Variants in SH3RF3 observed in about 807,000 individuals in gnomAD.
SH3RF3 encodes the protein SH3 domain containing ring finger 3, also known as E3 ubiquitin-protein ligase SH3RF3.
SH3RF3 carries 29 observed loss-of-function variants against 66.3 expected under a neutral mutation model. That is an observed-to-expected ratio of 0.44 (90% CI 0.33 to 0.60). The LOEUF (loss-of-function observed/expected upper bound fraction) is 0.60. SH3RF3 is among the 20% of genes least tolerant of loss of function. The pLI is 0.04. For missense variants in SH3RF3, 1,194 were observed against 1,190.9 expected (o/e 1.00, Z -0.04); for synonymous variants, 583 against 532.0 (o/e 1.10, Z -1.32).
intron 1 of SH3RF3, among the ~76,000 whole-genome samples, chr2:109,219,831 G>C (rs555163226): frequency 6.6e-6 from 1 of 152,312 alleles, no homozygotes; most frequent in East Asian, 1.9e-4. Context: ...ACTTAATATT[G>C]TTGAGATGAC....
At chr2:109,343,682 A>G (rs1173900224) in intron 1 of SH3RF3, among the ~76,000 whole-genome samples, 2 of 150,970 alleles carry the variant, frequency 1.3e-5, no homozygotes, top group Non-Finnish European at 2.9e-5. Context: ...ACCTGTGGAG[A>G]GGTGGCCAGG....
In SH3RF3 at chr2:109,486,953, G is replaced by A. The variant is rs1678997019; in HGVS notation, c.2149-3652G>A. 2.0e-5 allele frequency among the ~76,000 whole-genome samples: 3 copies of A among 152,208 alleles called. No individual in the cohort carries two copies. In the South Asian group the frequency reaches 6.2e-4, roughly 32 times the overall value. On this transcript the variant is annotated intron_variant, in intron 8 of 9. Coordinates refer to ENST00000309415, the MANE Select transcript of SH3RF3 (RefSeq NM_001099289.3). ...TGTTTGGTTTTCTCCCTGTGAGGCT[G>A]AACTGATTGGAGCCTGGCCATCCAG...
At chr2:109,283,497 A>G (rs545301550) in intron 1 of SH3RF3, among the ~76,000 whole-genome samples, 9 of 152,254 alleles carry the variant, frequency 5.9e-5, no homozygotes, top group Admixed American at 2.0e-4. Context: ...GGTGTTGTCC[A>G]CAAAGGTCTC....
intron 3 of SH3RF3, among the ~76,000 whole-genome samples, chr2:109,396,817 C>T (rs1676161122): frequency 1.3e-5 from 2 of 152,256 alleles, no homozygotes; most frequent in African/African-American, 2.4e-5. Flanking sequence ...ACAGAGCGGG[C>T]GTGACTCTGC....
intron 9 of SH3RF3, among the ~76,000 whole-genome samples, chr2:109,497,481 A>T: frequency 6.6e-6 from 1 of 152,232 alleles, no homozygotes; most frequent in East Asian, 1.9e-4. Context: ...GGATTCCTTG[A>T]GCCCTGTGTC....
intron 1 of SH3RF3, among the ~76,000 whole-genome samples, chr2:109,251,805 C>T (rs759507628): frequency 1.3e-5 from 2 of 152,038 alleles, no homozygotes; most frequent in Non-Finnish European, 2.9e-5. Context: ...CTAAAAAATA[C>T]CAAATATTTA....
chr2:109,402,766 G>C (rs1473784150), intron 4 of SH3RF3, among the ~76,000 whole-genome samples: 1 of 152,344 alleles, frequency 6.6e-6, no homozygotes, highest in African/African-American at 2.4e-5. Flanking sequence ...CTGGGCCATG[G>C]GGGGCAGAGG....
chr2:109,452,086 T>C (rs1490368596), intron 8 of SH3RF3, among the ~76,000 whole-genome samples: 1 of 152,262 alleles, frequency 6.6e-6, no homozygotes. Flanking sequence ...TTTGCCCATC[T>C]GTGTTCCCAC....
rs1364160631 is a variant in SH3RF3, at chr2:109,453,819, G to C, written c.2148+4330G>C. 5.3e-5 allele frequency among the ~76,000 whole-genome samples: 8 copies of C among 152,314 alleles called. No homozygotes were observed. In the East Asian group the frequency reaches 1.5e-3, roughly 29 times the overall value. On this transcript the variant is annotated intron_variant, in intron 8 of 9. Coordinates refer to ENST00000309415, the MANE Select transcript of SH3RF3 (RefSeq NM_001099289.3). Reference sequence around the variant, plus strand: ...CAGAGGGTCACCGACAAAGGCGCCTGGTCAGCCCAGGTCAGGGGAGACTTC... The same window carrying C: ...CAGAGGGTCACCGACAAAGGCGCCTCGTCAGCCCAGGTCAGGGGAGACTTC...
At position 109,398,794 on chromosome 2, in the gene SH3RF3, G is replaced by A. The variant is rs375829146; in HGVS notation, c.1150G>A (p.Ala384Thr). The A allele has an allele frequency of 1.9e-5, 31 of 1,613,606 alleles. 1 individual carries two copies. Among genetic ancestry groups the A allele is most frequent in the South Asian group, 9.9e-5 (9 of 90,972 alleles). ...CACCAAGAAACGCCACTCCTTCACCGCGCTCAGTGTGACGCACAGATCCTC... is the reference window on the plus strand; with the variant it reads ...CACCAAGAAACGCCACTCCTTCACCACGCTCAGTGTGACGCACAGATCCTC... ...KNTKKRHSFT[A>T]LSVTHRSSQA... Residue 384 changes from alanine to threonine, a missense_variant, in exon 4 of 10, where the codon GCG (alanine) becomes ACG (threonine). Physicochemically the swap from Ala to Thr is moderately conservative, Grantham distance 58. Coordinates refer to ENST00000309415, the MANE Select transcript of SH3RF3 (RefSeq NM_001099289.3).
intron 1 of SH3RF3, among the ~76,000 whole-genome samples, chr2:109,175,006 C>T: frequency 6.6e-6 from 1 of 152,108 alleles, no homozygotes; most frequent in East Asian, 1.9e-4. Flanking sequence ...ATATATTGCC[C>T]AACTGTCTTT....
chr2:109,168,873 C>T (rs781131456), intron 1 of SH3RF3, among the ~76,000 whole-genome samples: 10 of 152,178 alleles, frequency 6.6e-5, no homozygotes, highest in South Asian at 2.1e-4. Context: ...ATGAATGGAA[C>T]GCTGCATGCT....
At chr2:109,334,251 G>A (rs1294708692) in intron 1 of SH3RF3, among the ~76,000 whole-genome samples, 1 of 151,300 alleles carries the variant, frequency 6.6e-6, no homozygotes, top group African/African-American at 2.4e-5. Flanking sequence ...TCAGCTACTC[G>A]AGGGGCTGAG....
chr2:109,144,337 A>G (rs992640212), intron 1 of SH3RF3, among the ~76,000 whole-genome samples: 1 of 152,244 alleles, frequency 6.6e-6, no homozygotes, highest in Non-Finnish European at 1.5e-5. Context: ...AACAGGGGAA[A>G]TATAAATTTA....
intron 9 of SH3RF3, among the ~76,000 whole-genome samples, chr2:109,491,983 C>T (rs926537287): frequency 2.6e-5 from 4 of 152,160 alleles, no homozygotes; most frequent in African/African-American, 9.7e-5. Flanking sequence ...TCTATCCTCA[C>T]ATATTCTTCT....
At chr2:109,376,418 A>T (rs973032725) in intron 3 of SH3RF3, among the ~76,000 whole-genome samples, 9 of 152,206 alleles carry the variant, frequency 5.9e-5, no homozygotes, top group African/African-American at 2.2e-4. Flanking sequence ...CTGGCTGCTC[A>T]CACAGAGCCT....
chr2:109,311,549 A>G (rs981575087), intron 1 of SH3RF3, among the ~76,000 whole-genome samples: 3 of 152,114 alleles, frequency 2.0e-5, no homozygotes, highest in Non-Finnish European at 2.9e-5. Context: ...GAGGAAGTCA[A>G]ATTGTCCCTG....
intron 1 of SH3RF3, among the ~76,000 whole-genome samples, chr2:109,156,518 T>C (rs1485721517): frequency 1.3e-5 from 2 of 152,100 alleles, no homozygotes; most frequent in Non-Finnish European, 2.9e-5. Context: ...CAATCTTGGC[T>C]CACTGCAGCC....
At chr2:109,247,841 TC>T in intron 1 of SH3RF3, among the ~76,000 whole-genome samples, 1 of 152,326 alleles carries the variant, frequency 6.6e-6, no homozygotes, top group Non-Finnish European at 1.5e-5. Flanking sequence ...TGGCCTGGGT[TC>T]CTCTCCACAT....
Sources: gnomAD v4.1 joint callset for allele counts (sites outside exome capture counted in the v4.1 genomes callset) on GRCh38, gnomAD v4.1.1 for gene constraint, MANE v1.5 for transcripts, NCBI Gene and HGNC (gene_info 2026-07-23, HGNC 2026-07-21) for gene names.